C7: variants seen among roughly 807,000 people sequenced by gnomAD.
The protein encoded by C7 is complement C7, also known as complement component C7.
In C7, 83 loss-of-function variants were observed where a neutral mutation model predicts 104.8. The ratio of observed to expected loss-of-function variants is 0.79; its 90% confidence interval spans 0.66 to 0.95. C7 has a LOEUF of 0.95. Among genes scored for constraint, C7 ranks in the 40% least tolerant of loss-of-function variants. The pLI is 0.00. For missense variants in C7, 1,070 were observed against 1,011.2 expected (o/e 1.06, Z -0.79); for synonymous variants, 415 against 360.6 (o/e 1.15, Z -1.71).
chr5:40,927,299 GA>G (rs1739573634), intron 1 of C7, among the ~76,000 whole-genome samples: 1 of 151,690 alleles, frequency 6.6e-6, no homozygotes, highest in Non-Finnish European at 1.5e-5. Flanking sequence ...AAAATTAATT[GA>G]AAAAAATCTA....
chr5:40,967,067 G>A (rs897699764), intron 14 of C7, among the ~76,000 whole-genome samples: 1 of 125,276 alleles, frequency 8.0e-6, no homozygotes, highest in African/African-American at 3.1e-5. Context: ...ACTTTTCAAA[G>A]GATTTTTTTT....
At chr5:40,949,881 C>A in intron 8 of C7, 23 bp from the exon 9 acceptor site, 1 of 1,395,858 alleles carries the variant, frequency 7.2e-7, no homozygotes, top group South Asian at 1.2e-5. Flanking sequence ...TTAAACATGT[C>A]TCTTTTACAT....
chr5:40,918,595 T>C (rs1739372608), intron 1 of C7, among the ~76,000 whole-genome samples: 1 of 151,474 alleles, frequency 6.6e-6, no homozygotes, highest in South Asian at 2.1e-4. Flanking sequence ...AATTAGGCAA[T>C]GGAAGAAAGA....
At position 40,981,636 on chromosome 5, in the gene C7, A is replaced by T. The variant is rs1444280618; in HGVS notation, c.*63A>T. The T allele has an allele frequency of 2.1e-6, 3 of 1,420,708 alleles. No individual in the cohort carries two copies. Among genetic ancestry groups the T allele is most frequent in the Non-Finnish European group, 2.9e-6 (3 of 1,043,106 alleles). 88.0% of individuals were successfully genotyped at this position (1,420,708 alleles called of 1,614,324 possible). On this transcript the variant is annotated 3_prime_UTR_variant, in exon 18 of 18. Transcript: ENST00000313164. The stretch of plus-strand genomic sequence containing the variant: ...CAGGCAGCTGGGGCTGAGTGAAAAC[A>T]TCTGCACAACTGGGCACTGGACAGC...
intron 1 of C7, among the ~76,000 whole-genome samples, chr5:40,927,419 C>T (rs552595547): frequency 2.4e-4 from 36 of 151,984 alleles, no homozygotes; most frequent in Non-Finnish European, 4.6e-4. Context: ...TGAAAAGTTT[C>T]TGCATGGCAA....
intron 1 of C7, among the ~76,000 whole-genome samples, chr5:40,921,001 A>G (rs1357480925): frequency 6.6e-6 from 1 of 151,680 alleles, no homozygotes; most frequent in Non-Finnish European, 1.5e-5. Context: ...GTTAGCCAAA[A>G]TGATGCCACT....
chr5:40,953,532 T>C (rs866176972), intron 9 of C7, among the ~76,000 whole-genome samples: 4 of 149,586 alleles, frequency 2.7e-5, no homozygotes, highest in Middle Eastern at 6.9e-3. Context: ...TCCCAGCTAC[T>C]TGGGAGGCTG....
At chr5:40,940,633 T>C (rs998719902) in intron 6 of C7, among the ~76,000 whole-genome samples, 1 of 152,266 alleles carries the variant, frequency 6.6e-6, no homozygotes. Flanking sequence ...GAGGACTAGA[T>C]ACCTGAGATT....
chr5:40,983,685 A>G lies in C7; in HGVS notation c.*2112A>G, dbSNP rs75215414. ...GTCAGCAAGGAGAAAGTCATTTTTA[A>G]GATTAAATTTTTAAAAATGTTTTGA... is the stretch of plus-strand genomic sequence containing the variant. On this transcript the variant is annotated 3_prime_UTR_variant, in exon 18 of 18. Coordinates refer to ENST00000313164, the MANE Select transcript of C7 (RefSeq NM_000587.4). Among the ~76,000 whole-genome samples, 886 of 152,290 alleles carry G rather than the reference A, an allele frequency of 5.8e-3. 7 individuals are homozygous for G. The highest frequency in any genetic ancestry group is 0.019 in the African/African-American group (796 of 41,574).
At chr5:40,932,793 A>T (rs1255033269) in intron 3 of C7, among the ~76,000 whole-genome samples, 1 of 152,080 alleles carries the variant, frequency 6.6e-6, no homozygotes, top group Non-Finnish European at 1.5e-5. Flanking sequence ...TATACAAGCA[A>T]TTTTTTTCTT....
chr5:40,936,661 G>T (rs575467437), intron 5 of C7, among the ~76,000 whole-genome samples, 176 bp downstream of exon 5: 3 of 152,270 alleles, frequency 2.0e-5, no homozygotes, highest in African/African-American at 7.2e-5. Flanking sequence ...TATACCTGTA[G>T]ATACATGTGG....
intron 4 of C7, 26 bp downstream of exon 4, chr5:40,934,492 A>G: frequency 6.2e-7 from 1 of 1,609,662 alleles, no homozygotes; most frequent in Non-Finnish European, 8.5e-7. Flanking sequence ...TAGGCTCAGC[A>G]TGCAGATTGT....
chr5:40,943,299 G>A (rs944209031), intron 6 of C7, among the ~76,000 whole-genome samples: 4 of 152,160 alleles, frequency 2.6e-5, no homozygotes, highest in African/African-American at 9.6e-5. Context: ...AAAAATGAGA[G>A]TTAAAAGAAT....
chr5:40,935,828 TA>T (rs1739800008), intron 4 of C7, among the ~76,000 whole-genome samples: 1 of 152,204 alleles, frequency 6.6e-6, no homozygotes, highest in Non-Finnish European at 1.5e-5. Context: ...GATTGTAAAG[TA>T]TATGAAAAGC....
chr5:40,965,031 C>T (rs1740514558), intron 14 of C7, among the ~76,000 whole-genome samples, 158 bp downstream of exon 14: 1 of 152,178 alleles, frequency 6.6e-6, no homozygotes, highest in Non-Finnish European at 1.5e-5. Flanking sequence ...CTTGAATAAG[C>T]CCTCCGCCTT....
chr5:40,976,728 C>T (rs1447493563), intron 15 of C7, 22 bp from the exon 16 acceptor site: 2 of 1,547,844 alleles, frequency 1.3e-6, no homozygotes, highest in Non-Finnish European at 1.8e-6. Context: ...CTAACGACCA[C>T]ATCTCCCTTA....
chr5:40,942,926 A>G (rs1427611483), intron 6 of C7, among the ~76,000 whole-genome samples: 1 of 151,952 alleles, frequency 6.6e-6, no homozygotes, highest in East Asian at 1.9e-4. Flanking sequence ...CACCATGCCC[A>G]GCTAATTTTT....
intron 1 of C7, among the ~76,000 whole-genome samples, chr5:40,911,824 C>T (rs550989127): frequency 7.9e-5 from 12 of 151,512 alleles, no homozygotes; most frequent in African/African-American, 2.4e-4. Flanking sequence ...CTCCAACTTC[C>T]GCCTCCTGGG....
intron 1 of C7, among the ~76,000 whole-genome samples, chr5:40,913,272 G>A (rs953761846): frequency 1.3e-5 from 2 of 152,046 alleles, no homozygotes; most frequent in African/African-American, 2.4e-5. Flanking sequence ...ATACGAGTAC[G>A]GGTATCTTTC....
Sources: allele counts gnomAD v4.1 joint callset (sites outside exome capture counted in the v4.1 genomes callset), GRCh38; gene constraint gnomAD v4.1.1; transcripts MANE v1.5; gene names NCBI Gene and HGNC (gene_info 2026-07-23, HGNC 2026-07-21).